DGKB: variants seen among roughly 807,000 people sequenced by gnomAD.
DGKB encodes 90 kDa diacylglycerol kinase.
In DGKB, 67 loss-of-function variants were observed where a neutral mutation model predicts 114.3. That is an observed-to-expected ratio of 0.59 (90% confidence interval 0.48 to 0.72). DGKB has a LOEUF of 0.72. DGKB is among the 30% of genes least tolerant of loss of function. DGKB has a pLI of 0.00. For synonymous variants in DGKB, 398 were observed against 323.1 expected (o/e 1.23, Z -2.49); for missense variants, 907 against 975.2 (o/e 0.93, Z 0.93).
intron 1 of DGKB, among the ~76,000 whole-genome samples, chr7:14,850,175 T>C (rs1237520864): frequency 2.0e-5 from 3 of 152,200 alleles, no homozygotes; most frequent in Non-Finnish European, 4.4e-5. Context: ...CTGGTGACTT[T>C]AGCAATAGCA....
chr7:14,523,920 T>C (rs897227702), intron 20 of DGKB, among the ~76,000 whole-genome samples: 2 of 152,160 alleles, frequency 1.3e-5, no homozygotes, highest in South Asian at 4.1e-4. Context: ...GTTATGTTTC[T>C]GCAATGACTA....
chr7:14,547,575 G>A (rs999671476), intron 20 of DGKB, among the ~76,000 whole-genome samples: 2 of 152,068 alleles, frequency 1.3e-5, no homozygotes, highest in East Asian at 3.9e-4. Context: ...TTTACCTAAG[G>A]AGCTGTTCTG....
At chr7:14,156,798 G>A (rs1168156721) in intron 25 of DGKB, among the ~76,000 whole-genome samples, 2 of 152,062 alleles carry the variant, frequency 1.3e-5, no homozygotes, top group African/African-American at 4.8e-5. Flanking sequence ...TTTCTTTGGC[G>A]TATCTTTATT....
intron 20 of DGKB, among the ~76,000 whole-genome samples, chr7:14,550,802 A>C (rs939156451): frequency 7.2e-5 from 11 of 152,192 alleles, no homozygotes; most frequent in Non-Finnish European, 1.6e-4. Flanking sequence ...AAACTAATAA[A>C]AAATGACAGC....
At chr7:14,907,596 TG>T (rs1783778043), upstream of DGKB, among the ~76,000 whole-genome samples, 1 of 152,190 alleles carries the variant, frequency 6.6e-6, no homozygotes, top group Non-Finnish European at 1.5e-5. Context: ...TTTCCATAAC[TG>T]TGTGCCCTGT....
At position 14,777,913 on chromosome 7, in the gene DGKB, G is replaced by T. The variant is rs561825753; in HGVS notation, c.71-20182C>A. Among the ~76,000 whole-genome samples, 19 of 152,270 alleles carry T rather than the reference G, an allele frequency of 1.2e-4. No homozygotes were observed. The East Asian group carries it at 3.7e-3, about 29-fold the overall frequency. On this transcript the variant is annotated intron_variant, in intron 2 of 25. Transcript: ENST00000402815. Reference sequence around the variant, plus strand: ...TTTAATTTGTCATAGCAGTGTATTAGAGGGAAGTGTTGGCTCTTGTGTATA... The same window carrying T: ...TTTAATTTGTCATAGCAGTGTATTATAGGGAAGTGTTGGCTCTTGTGTATA...
chr7:14,290,746 A>C (rs762888588), intron 23 of DGKB, among the ~76,000 whole-genome samples: 2 of 152,208 alleles, frequency 1.3e-5, no homozygotes, highest in Non-Finnish European at 2.9e-5. Context: ...TCTCCTGTCA[A>C]GAAAACATCT....
intron 23 of DGKB, among the ~76,000 whole-genome samples, chr7:14,306,133 G>A (rs1182815319): frequency 6.6e-6 from 1 of 151,952 alleles, no homozygotes; most frequent in Non-Finnish European, 1.5e-5. Flanking sequence ...AAATTCTTGA[G>A]TAGCTATCTA....
chr7:14,928,509 A>T (rs987149910), intron 1 of DGKB, among the ~76,000 whole-genome samples: 1 of 151,940 alleles, frequency 6.6e-6, no homozygotes, highest in Non-Finnish European at 1.5e-5. Context: ...TGATATACAC[A>T]TGCTATATTA....
chr7:14,959,441 C>A (rs963226268), intron 1 of DGKB, among the ~76,000 whole-genome samples: 1 of 151,154 alleles, frequency 6.6e-6, no homozygotes, highest in African/African-American at 2.4e-5. Flanking sequence ...GAGTTATATG[C>A]CTTTGTTCCT....
chr7:14,652,883 G>T (rs1448038787), intron 13 of DGKB, among the ~76,000 whole-genome samples: 1 of 152,070 alleles, frequency 6.6e-6, no homozygotes, highest in Admixed American at 6.5e-5. Flanking sequence ...CATTTATGCA[G>T]CCAAAAAAAC....
rs761304991 is a variant in DGKB at position 14,843,315 on chromosome 7, CTTTTTTTTTTTT to C, written c.-187-1877_-187-1866del. ...TTATTTGTTAATTAAATTTTAATAA[CTTTTTTTTTTTT>C]TTTTTTTTTTTTTTTTTTGAGACGG... On this transcript the variant is annotated intron_variant, in intron 1 of 25. Coordinates refer to ENST00000402815, the MANE Select transcript of DGKB (RefSeq NM_001350709.2). Among the ~76,000 whole-genome samples the C allele has an allele frequency of 1.3e-3, 101 of 77,284 alleles. 1 individual carries two copies. Among genetic ancestry groups the C allele is most frequent in the Non-Finnish European group, 2.0e-3 (90 of 44,338 alleles). The allele number at this position is 77,284 out of a possible 152,430, so 50.7% of individuals were successfully genotyped here. A position where few individuals can be genotyped will look rare whatever the true frequency, so the allele number is the denominator to read the frequency against.
intron 20 of DGKB, among the ~76,000 whole-genome samples, chr7:14,486,329 C>T (rs1783800802): frequency 6.6e-6 from 1 of 152,190 alleles, no homozygotes; most frequent in Admixed American, 6.5e-5. Context: ...GGAAAGTTTA[C>T]TCTTTTTAAA....
chr7:14,443,407 T>C (rs985972205), intron 21 of DGKB, among the ~76,000 whole-genome samples: 1 of 152,136 alleles, frequency 6.6e-6, no homozygotes, highest in Non-Finnish European at 1.5e-5. Context: ...TGGGCAAAAA[T>C]AAATTTTAGC....
chr7:14,689,076 G>C (rs1311415660), intron 9 of DGKB, among the ~76,000 whole-genome samples: 2 of 151,438 alleles, frequency 1.3e-5, no homozygotes, highest in East Asian at 1.9e-4. Flanking sequence ...TAGAGAGAGA[G>C]AGGAGCTAAT....
intron 1 of DGKB, among the ~76,000 whole-genome samples, chr7:14,869,353 C>T (rs1273554751): frequency 6.6e-6 from 1 of 152,126 alleles, no homozygotes; most frequent in Non-Finnish European, 1.5e-5. Flanking sequence ...TAAGGTTTAA[C>T]TGGGTCCGTA....
At chr7:14,849,156 G>A (rs375886569) in intron 1 of DGKB, among the ~76,000 whole-genome samples, 1 of 151,992 alleles carries the variant, frequency 6.6e-6, no homozygotes, top group South Asian at 2.1e-4. Flanking sequence ...GACAGGTAAG[G>A]AAAGCTATTG....
chr7:14,337,335 A>G (rs1030025296), intron 23 of DGKB, among the ~76,000 whole-genome samples: 2 of 152,062 alleles, frequency 1.3e-5, no homozygotes, highest in Admixed American at 1.3e-4. Flanking sequence ...TATTTTGAGT[A>G]TGTAATTTTT....
intron 1 of DGKB, among the ~76,000 whole-genome samples, chr7:14,881,433 A>G (rs1303802804): frequency 6.6e-6 from 1 of 152,128 alleles, no homozygotes; most frequent in Admixed American, 6.5e-5. Context: ...TTTGCTTTTG[A>G]TTTTTATTAA....
Sources: gnomAD v4.1 joint callset for allele counts (sites outside exome capture counted in the v4.1 genomes callset) on GRCh38, gnomAD v4.1.1 for gene constraint, MANE v1.5 for transcripts, NCBI Gene and HGNC (gene_info 2026-07-23, HGNC 2026-07-21) for gene names.